The following PTAR1 variants were observed in gnomAD, a reference collection of about 807,000 sequenced individuals.
The protein encoded by PTAR1 is protein prenyltransferase alpha subunit repeat containing 1, also known as protein prenyltransferase alpha subunit repeat-containing protein 1.
Under a neutral mutation model 45.5 loss-of-function variants are expected in PTAR1, and 17 were observed. The observed-to-expected ratio is 0.37, with a 90% confidence interval of 0.26 to 0.56. The LOEUF (loss-of-function observed/expected upper bound fraction) is 0.56. PTAR1 is among the 20% of genes least tolerant of loss of function. PTAR1 has a pLI of 0.77. For missense variants in PTAR1, 391 were observed against 476.3 expected, an observed-to-expected ratio of 0.82 and a Z score of 1.67; for synonymous variants, 169 against 171.3, an observed-to-expected ratio of 0.99 and a Z score of 0.11.
chr9:69,737,653 CAAT>C (rs1309741533), intron 3 of PTAR1, among the ~76,000 whole-genome samples: 2 of 152,076 alleles, frequency 1.3e-5, no homozygotes, highest in African/African-American at 4.8e-5. Flanking sequence ...TCTGAAATGA[CAAT>C]AATAATGGCC....
intron 3 of PTAR1, among the ~76,000 whole-genome samples, chr9:69,738,257 A>G (rs1054030782): frequency 3.7e-4 from 56 of 152,346 alleles, no homozygotes; most frequent in African/African-American, 1.3e-3. Flanking sequence ...TCACTGCATC[A>G]TATCAGAGGC....
chr9:69,711,100 G>A lies in PTAR1; in HGVS notation c.*7242C>T, dbSNP rs532227425. ...TCTCCCTCTCCTTTTTTAATCTTTT[G>A]TAGTGTATAAATATTTGGCATACTT... On this transcript the variant is annotated 3_prime_UTR_variant, in exon 8 of 8. Transcript: ENST00000340434. 7.4e-5 allele frequency: 11 copies of A among 149,476 alleles called. No individual in the cohort carries two copies. Among genetic ancestry groups the A allele is most frequent in the African/African-American group, 2.7e-4 (11 of 40,732 alleles). The allele number at this position is 149,476 out of a possible 1,614,324, so 9.3% of individuals were successfully genotyped here. A position where few individuals can be genotyped will look rare whatever the true frequency, so the allele number is the denominator to read the frequency against.
chr9:69,757,908 A>G (rs891331948), intron 1 of PTAR1: 1 of 152,176 alleles, frequency 6.6e-6, no homozygotes, highest in African/African-American at 2.4e-5. Context: ...TGTGGGGAAT[A>G]TGTATTCAAA....
chr9:69,710,432 A>G lies in PTAR1; in HGVS notation c.*7910T>C, dbSNP rs1824482268. On this transcript the variant is annotated 3_prime_UTR_variant, in exon 8 of 8. Transcript: ENST00000340434. ...TAAAAATTATGTTGTGGTTCACATTATATTTCTGTTGAACAATGTGGACAT... is the reference window on the plus strand; with the variant it reads ...TAAAAATTATGTTGTGGTTCACATTGTATTTCTGTTGAACAATGTGGACAT... The G allele has an allele frequency of 6.6e-6, 1 of 152,072 alleles. No individual in the cohort carries two copies. The highest frequency in any genetic ancestry group is 1.5e-5 in the Non-Finnish European group (1 of 67,988). The allele number at this position is 152,072 out of a possible 1,614,324, so 9.4% of individuals were successfully genotyped here.
Position 69,711,720 on chromosome 9 carries a change from CTACT to C in PTAR1, c.*6618_*6621del, listed in dbSNP as rs1399273617. Reference sequence around the variant, plus strand: ...TTAATATGCCTTGCACAAGAAAATACTACTTAATCTTTCACATCTCCTATCTTTC... The same window carrying C: ...TTAATATGCCTTGCACAAGAAAATACTAATCTTTCACATCTCCTATCTTTC... On this transcript the variant is annotated 3_prime_UTR_variant, in exon 8 of 8. Coordinates refer to ENST00000340434, the MANE Select transcript of PTAR1 (RefSeq NM_001099666.2). 7 of 152,124 alleles carry C rather than the reference CTACT, an allele frequency of 4.6e-5. No individual in the cohort carries two copies. Among genetic ancestry groups the C allele is most frequent in the Non-Finnish European group, 8.8e-5 (6 of 67,990 alleles). The allele number at this position is 152,124 out of a possible 1,614,324, so 9.4% of individuals were successfully genotyped here.
chr9:69,746,733 A>C, intron 2 of PTAR1, among the ~76,000 whole-genome samples: 1 of 152,220 alleles, frequency 6.6e-6, no homozygotes. Flanking sequence ...TATACATAGA[A>C]AAGTAGCTAA....
At chr9:69,739,216 A>C (rs1049971402) in intron 3 of PTAR1, among the ~76,000 whole-genome samples, 9 of 152,210 alleles carry the variant, frequency 5.9e-5, no homozygotes, top group Non-Finnish European at 1.0e-4. Context: ...GCACAAAATA[A>C]AGTTACCAAT....
chr9:69,725,608 A>G (rs1393538655), intron 5 of PTAR1, among the ~76,000 whole-genome samples: 1 of 151,462 alleles, frequency 6.6e-6, no homozygotes, highest in Non-Finnish European at 1.5e-5. Context: ...AAAAAAATAT[A>G]TATATATATT....
intron 1 of PTAR1, among the ~76,000 whole-genome samples, chr9:69,754,469 CA>C (rs142966347): frequency 7.0e-6 from 1 of 143,830 alleles, no homozygotes; most frequent in East Asian, 2.0e-4. Flanking sequence ...CAAAACAAAA[CA>C]AAAAAAACCC....
At chr9:69,724,088 C>T (rs1456502272) in intron 5 of PTAR1, among the ~76,000 whole-genome samples, 1 of 152,114 alleles carries the variant, frequency 6.6e-6, no homozygotes, top group Non-Finnish European at 1.5e-5. Context: ...ACAATAGGCT[C>T]AGTGAAATTA....
intron 1 of PTAR1, chr9:69,757,123 AAC>A (rs751687003): frequency 6.6e-6 from 1 of 152,182 alleles, no homozygotes; most frequent in East Asian, 1.9e-4. Context: ...ACACTTCATA[AAC>A]AGTGAGTTCA....
intron 2 of PTAR1, among the ~76,000 whole-genome samples, chr9:69,745,759 A>T (rs1310108643): frequency 6.6e-6 from 1 of 152,198 alleles, no homozygotes; most frequent in Admixed American, 6.5e-5. Context: ...TCTCGTATGT[A>T]AGATGGAGCT....
In PTAR1 at chr9:69,718,550, T is replaced by G; in HGVS notation, c.1001A>C (p.Gln334Pro). 1 of 1,613,708 alleles carries G rather than the reference T, an allele frequency of 6.2e-7. No individual in the cohort carries two copies. Among genetic ancestry groups the G allele is most frequent in the Non-Finnish European group, 8.5e-7 (1 of 1,179,710 alleles). ...ATTCAGTCCATCTACTTCCATTGCT[T>G]GAGACAGCTGGGAGCCTGCTGGGAT... The part of the protein sequence containing the change: ...HHLNAGSQLS[Q>P]AMEVDGLNDS... Residue 334 changes from glutamine (Q) to proline (P), a missense_variant, in exon 8 of 8, where the codon CAA (glutamine) becomes CCA (proline). This residue lies in a region of PTAR1 where 181 missense variants were observed against 227.7 expected (regional missense o/e 0.80). Coordinates refer to ENST00000340434, the MANE Select transcript of PTAR1 (RefSeq NM_001099666.2).
chr9:69,718,284 A>C lies in PTAR1; in HGVS notation c.*58T>G, dbSNP rs1824811488. 1.6e-6 allele frequency: 2 copies of C among 1,216,576 alleles called. No individual in the cohort carries two copies. Among genetic ancestry groups the C allele is most frequent in the African/African-American group, 1.5e-5 (1 of 65,838 alleles). 75.4% of individuals were successfully genotyped at this position (1,216,576 alleles called of 1,614,324 possible). On this transcript the variant is annotated 3_prime_UTR_variant, in exon 8 of 8. Coordinates refer to ENST00000340434, the MANE Select transcript of PTAR1 (RefSeq NM_001099666.2). ...AAACAGTTCATGCAACTATGTAAAT[A>C]ATAAAAGAAAGCAATATTGCACTAA...
intron 5 of PTAR1, among the ~76,000 whole-genome samples, chr9:69,727,197 C>T (rs1184020741): frequency 6.6e-6 from 1 of 151,964 alleles, no homozygotes; most frequent in Non-Finnish European, 1.5e-5. Context: ...TTTAAGATAA[C>T]GCTCTTAGAA....
chr9:69,738,410 C>A (rs1279229218), intron 3 of PTAR1, among the ~76,000 whole-genome samples: 1 of 152,150 alleles, frequency 6.6e-6, no homozygotes, highest in African/African-American at 2.4e-5. Flanking sequence ...CAGAGTTATG[C>A]TCTACCTTGT....
At chr9:69,732,806 A>C (rs2134111633) in intron 4 of PTAR1, among the ~76,000 whole-genome samples, 1 of 152,316 alleles carries the variant, frequency 6.6e-6, no homozygotes, top group Admixed American at 6.5e-5. Flanking sequence ...AAGAAGCTGC[A>C]TTCTGATAGC....
At chr9:69,727,378 T>C (rs1825337975) in intron 5 of PTAR1, among the ~76,000 whole-genome samples, 2 of 152,156 alleles carry the variant, frequency 1.3e-5, no homozygotes, top group Admixed American at 1.3e-4. Flanking sequence ...TCAACTTGTT[T>C]AGAGTCCACC....
At chr9:69,721,789 C>G (rs1825020093) in intron 6 of PTAR1, among the ~76,000 whole-genome samples, 1 of 152,078 alleles carries the variant, frequency 6.6e-6, no homozygotes, top group Non-Finnish European at 1.5e-5. Flanking sequence ...TTTTTAGCAA[C>G]CTAGTATTTT....
Sources: allele counts gnomAD v4.1 joint callset (sites outside exome capture counted in the v4.1 genomes callset), GRCh38; gene constraint gnomAD v4.1.1; regional missense constraint gnomAD v4.1.1; transcripts MANE v1.5; gene names NCBI Gene and HGNC (gene_info 2026-07-23, HGNC 2026-07-21).